The following SUCLG2 variants were observed in gnomAD, a reference collection of about 807,000 sequenced individuals.
The protein encoded by SUCLG2 is succinate--CoA ligase [GDP-forming] subunit beta, mitochondrial.
Under a neutral mutation model 47.9 loss-of-function variants are expected in SUCLG2, and 42 were observed. The observed-to-expected ratio is 0.88, with a 90% CI of 0.69 to 1.14. The LOEUF (loss-of-function observed/expected upper bound fraction) is 1.14, where lower values mean the gene tolerates loss of function less well. SUCLG2 is among the 50% of genes most tolerant of loss of function. The probability of loss-of-function intolerance (pLI) is 0.00; values close to 1 mark genes in which losing one functional copy is unlikely to be tolerated. For synonymous variants in SUCLG2, 195 were observed against 197.3 expected (o/e 0.99, Z 0.10); for missense variants, 571 against 525.9 (o/e 1.09, Z -0.84).
intron 9 of SUCLG2, among the ~76,000 whole-genome samples, chr3:67,464,968 G>A (rs9851908): frequency 0.15 from 22,557 of 152,052 alleles, 2,199 homozygotes; most frequent in African/African-American, 0.27. Flanking sequence ...CGGAAGAGGG[G>A]CTTGACAATC....
intron 4 of SUCLG2, among the ~76,000 whole-genome samples, chr3:67,522,898 T>C (rs1186503397): frequency 6.6e-6 from 1 of 151,826 alleles, no homozygotes; most frequent in African/African-American, 2.4e-5. Context: ...TCTCCTGACC[T>C]CGTGATCCGC....
chr3:67,622,198 C>T (rs1328067205), intron 1 of SUCLG2, among the ~76,000 whole-genome samples: 1 of 152,174 alleles, frequency 6.6e-6, no homozygotes, highest in African/African-American at 2.4e-5. Flanking sequence ...TGAACCAGCT[C>T]TTGAAATATG....
At chr3:67,586,308 A>C in intron 2 of SUCLG2, among the ~76,000 whole-genome samples, 1 of 152,238 alleles carries the variant, frequency 6.6e-6, no homozygotes, top group East Asian at 1.9e-4. Context: ...GAATAGTACC[A>C]GTTAACCTCA....
At chr3:67,653,467 C>T (rs966494036) in intron 1 of SUCLG2, among the ~76,000 whole-genome samples, 1 of 152,136 alleles carries the variant, frequency 6.6e-6, no homozygotes, top group Non-Finnish European at 1.5e-5. Flanking sequence ...AAATAGCTCA[C>T]AGATGTCATA....
intron 9 of SUCLG2, 152 bp from the exon 10 acceptor site, chr3:67,401,003 C>A: frequency 9.0e-7 from 1 of 1,116,174 alleles, no homozygotes; most frequent in East Asian, 2.8e-5. Context: ...TGGCCCAGAA[C>A]ATGTTAAGAA....
At chr3:67,556,162 T>C (rs1382898584) in intron 2 of SUCLG2, among the ~76,000 whole-genome samples, 5 of 152,222 alleles carry the variant, frequency 3.3e-5, no homozygotes, top group Middle Eastern at 3.4e-3. Context: ...AGAGATCCAA[T>C]AGACATGATA....
At chr3:67,395,275 C>A (rs1186774059) in intron 10 of SUCLG2, among the ~76,000 whole-genome samples, 2 of 151,978 alleles carry the variant, frequency 1.3e-5, no homozygotes, top group South Asian at 4.2e-4. Context: ...ATTCAGGAAA[C>A]CCATCTCATG....
At chr3:67,555,549 G>C (rs1305775017) in intron 2 of SUCLG2, among the ~76,000 whole-genome samples, 5 of 152,074 alleles carry the variant, frequency 3.3e-5, no homozygotes, top group African/African-American at 1.2e-4. Context: ...TGATACCAGG[G>C]CTGGGACAAA....
intron 9 of SUCLG2, among the ~76,000 whole-genome samples, chr3:67,429,142 A>G (rs762146976): frequency 6.6e-6 from 1 of 152,198 alleles, no homozygotes; most frequent in Non-Finnish European, 1.5e-5. Context: ...TCCAAGACAC[A>G]TAATTATCAG....
At chr3:67,529,338 A>G (rs1706340339) in intron 2 of SUCLG2, 152 bp from the exon 3 acceptor site, 1 of 624,894 alleles carries the variant, frequency 1.6e-6, no homozygotes, top group African/African-American at 1.9e-5. Context: ...GAAGAACTTC[A>G]AAAAAACATC....
Position 67,520,368 on chromosome 3 carries a change from C to A in SUCLG2, c.570+114G>T, listed in dbSNP as rs1372317157. ...AGAAAAAGGGCTCAGCATCTTCTTACCTTAAATTGTAGAGACAGATTTAGT... is the reference window on the plus strand; with the variant it reads ...AGAAAAAGGGCTCAGCATCTTCTTAACTTAAATTGTAGAGACAGATTTAGT... On this transcript the variant is annotated intron_variant, in intron 5 of 10. Coordinates refer to ENST00000307227, the MANE Select transcript of SUCLG2 (RefSeq NM_003848.4). The A allele has an allele frequency of 4.8e-6, 7 of 1,470,342 alleles. No homozygotes were observed. The East Asian group carries it at 9.1e-5, about 19-fold the overall frequency. 91.1% of individuals were successfully genotyped at this position (1,470,342 alleles called of 1,614,324 possible).
At chr3:67,362,250 A>G (rs1462812733) in intron 10 of SUCLG2, among the ~76,000 whole-genome samples, 1 of 152,126 alleles carries the variant, frequency 6.6e-6, no homozygotes, top group Non-Finnish European at 1.5e-5. Context: ...GTACCCCAGG[A>G]CAGGATCCTT....
chr3:67,567,868 C>G (rs1288410021), intron 2 of SUCLG2, among the ~76,000 whole-genome samples: 1 of 152,152 alleles, frequency 6.6e-6, no homozygotes, highest in East Asian at 1.9e-4. Context: ...CTGAAGCTAT[C>G]ATTTTACAAA....
chr3:67,573,416 A>G (rs547926887), intron 2 of SUCLG2, among the ~76,000 whole-genome samples: 3 of 152,378 alleles, frequency 2.0e-5, no homozygotes, highest in African/African-American at 7.2e-5. Context: ...ACTTTCTAAT[A>G]AAGTTAACAG....
intron 2 of SUCLG2, among the ~76,000 whole-genome samples, chr3:67,547,407 T>C (rs1706894932): frequency 6.6e-6 from 1 of 152,242 alleles, no homozygotes; most frequent in Non-Finnish European, 1.5e-5. Flanking sequence ...TTTTCTACTT[T>C]AGTTTTCAGC....
intron 10 of SUCLG2, among the ~76,000 whole-genome samples, chr3:67,398,454 A>C (rs569054258): frequency 1.7e-3 from 260 of 151,994 alleles, no homozygotes; most frequent in Non-Finnish European, 3.1e-3. Flanking sequence ...AGAAATGCAA[A>C]TCAAAACCAC....
intron 2 of SUCLG2, among the ~76,000 whole-genome samples, chr3:67,575,476 C>T (rs1041900010): frequency 2.0e-5 from 3 of 152,088 alleles, no homozygotes; most frequent in African/African-American, 7.2e-5. Flanking sequence ...CCAGAAAAGG[C>T]AAACTTAGAG....
chr3:67,654,381 A>G, intron 1 of SUCLG2, 122 bp downstream of exon 1: 14 of 775,634 alleles, frequency 1.8e-5, no homozygotes, highest in Non-Finnish European at 2.3e-5. Flanking sequence ...TCACCTCCCG[A>G]AGTGGGGCGC....
chr3:67,391,997 T>G (rs1255001169), intron 10 of SUCLG2, among the ~76,000 whole-genome samples: 1 of 152,176 alleles, frequency 6.6e-6, no homozygotes, highest in East Asian at 1.9e-4. Flanking sequence ...ACGTGGCTCT[T>G]GGAGGAGGGT....
Sources: allele counts gnomAD v4.1 joint callset (sites outside exome capture counted in the v4.1 genomes callset), GRCh38; gene constraint gnomAD v4.1.1; transcripts MANE v1.5; gene names NCBI Gene and HGNC (gene_info 2026-07-23, HGNC 2026-07-21).